The following CAMTA1 variants were observed in gnomAD, a reference collection of about 807,000 sequenced individuals.
CAMTA1 encodes calmodulin binding transcription activator 1.
In CAMTA1, 27 loss-of-function variants were observed where a neutral mutation model predicts 170.9. The ratio of observed to expected loss-of-function variants is 0.16; its 90% CI spans 0.12 to 0.22. CAMTA1 has a LOEUF of 0.22. Ranked by LOEUF, CAMTA1 falls within the 10% of genes least tolerant of loss-of-function variation. The pLI is 1.00. For synonymous variants in CAMTA1, 833 were observed against 891.5 expected (o/e 0.93, Z 1.17); for missense variants, 1,619 against 2,217.2 (o/e 0.73, Z 5.42).
intron 3 of CAMTA1, among the ~76,000 whole-genome samples, chr1:6,867,793 CTCTTTTTTTT>C (rs888652898): frequency 2.6e-5 from 4 of 151,890 alleles, no homozygotes; most frequent in Non-Finnish European, 4.4e-5. Flanking sequence ...TTGTAATCAC[CTCTTTTTTTT>C]TCTTTTTTTT....
chr1:7,576,459 A>G (rs1267313290), intron 6 of CAMTA1, among the ~76,000 whole-genome samples: 1 of 152,160 alleles, frequency 6.6e-6, no homozygotes, highest in African/African-American at 2.4e-5. Context: ...GTGCCCTTAT[A>G]AAACCTTATA....
intron 3 of CAMTA1, among the ~76,000 whole-genome samples, chr1:6,851,743 A>G (rs1660433772): frequency 6.6e-6 from 1 of 152,010 alleles, no homozygotes; most frequent in South Asian, 2.1e-4. Flanking sequence ...GCTGGGCATG[A>G]TGGTTCATGC....
chr1:7,715,117 C>G (rs1239957587), intron 11 of CAMTA1, among the ~76,000 whole-genome samples: 1 of 152,094 alleles, frequency 6.6e-6, no homozygotes, highest in African/African-American at 2.4e-5. Context: ...TGTTAGCCAC[C>G]TCACACAGGA....
Position 7,111,767 on chromosome 1 carries a change from C to T in CAMTA1, c.302+20396C>T, listed in dbSNP as rs575105396. On this transcript the variant is annotated intron_variant, in intron 4 of 22. Transcript: ENST00000303635. ...AGGCGTGGTGGCACATGCCTGTAGTCCCAGCTACTCAGGAGGCTGAAGCAG... is the reference window on the plus strand; with the variant it reads ...AGGCGTGGTGGCACATGCCTGTAGTTCCAGCTACTCAGGAGGCTGAAGCAG... Among the ~76,000 whole-genome samples, 16 of 152,100 alleles carry T rather than the reference C, an allele frequency of 1.1e-4. No individual in the cohort carries two copies. The South Asian group carries it at 2.9e-3, about 28-fold the overall frequency.
chr1:7,212,225 G>A (rs900967332), intron 4 of CAMTA1, among the ~76,000 whole-genome samples: 5 of 151,954 alleles, frequency 3.3e-5, no homozygotes, highest in Admixed American at 3.3e-4. Context: ...ATATAATTAG[G>A]CTCTTTTGTT....
rs950029787 is a variant in CAMTA1, at chr1:7,428,369, G to A, written c.439-39461G>A. Among the ~76,000 whole-genome samples, 14 of 152,172 alleles carry A rather than the reference G, an allele frequency of 9.2e-5. No homozygotes were observed. In the East Asian group the frequency reaches 2.5e-3, roughly 27 times the overall value. On this transcript the variant is annotated intron_variant, in intron 5 of 22. Transcript: ENST00000303635. ...GTTGTATGAATGGGATCTTTGGGGT[G>A]GGGGCTCTGAAGGAAGGGAGGAGAT...
rs1663937842 is a variant in CAMTA1 at position 7,236,724 on chromosome 1, TG to T, written c.303-12765del. Among the ~76,000 whole-genome samples, 5 of 152,356 alleles carry T rather than the reference TG, an allele frequency of 3.3e-5. No individual in the cohort carries two copies. The South Asian group carries it at 1.0e-3, about 32-fold the overall frequency. On this transcript the variant is annotated intron_variant, in intron 4 of 22. Transcript: ENST00000303635. ...TGGCACAAGGTCCATGCAGAATAAATGGCAGCTCTTCTCATGGTCGCAGTTG... is the reference window on the plus strand; with the variant it reads ...TGGCACAAGGTCCATGCAGAATAAATGCAGCTCTTCTCATGGTCGCAGTTG...
intron 3 of CAMTA1, among the ~76,000 whole-genome samples, chr1:7,049,521 A>G (rs1439181591): frequency 6.6e-6 from 1 of 152,002 alleles, no homozygotes; most frequent in Non-Finnish European, 1.5e-5. Context: ...TAGTGGCACA[A>G]TCTCTACTAA....
chr1:7,347,485 A>G (rs2084310177), intron 5 of CAMTA1, among the ~76,000 whole-genome samples: 2 of 152,168 alleles, frequency 1.3e-5, no homozygotes, highest in South Asian at 4.1e-4. Flanking sequence ...TTTGGTTTTG[A>G]TTTTTGAAGA....
chr1:7,116,014 C>T (rs74464941), intron 4 of CAMTA1, among the ~76,000 whole-genome samples: 2,384 of 152,296 alleles, frequency 0.016, 63 homozygotes, highest in African/African-American at 0.054. Flanking sequence ...CCAAATACTT[C>T]GTGGCCCAGT....
At chr1:7,191,033 A>T (rs927049203) in intron 4 of CAMTA1, among the ~76,000 whole-genome samples, 2 of 152,202 alleles carry the variant, frequency 1.3e-5, no homozygotes, top group African/African-American at 4.8e-5. Flanking sequence ...ATTTTTTTAC[A>T]TACTGAGATA....
intron 3 of CAMTA1, among the ~76,000 whole-genome samples, chr1:6,867,404 T>C (rs1335334854): frequency 1.3e-5 from 2 of 152,206 alleles, no homozygotes; most frequent in Non-Finnish European, 2.9e-5. Context: ...ATAGAAAGTT[T>C]TGAGAAACAG....
intron 22 of CAMTA1, among the ~76,000 whole-genome samples, chr1:7,766,196 A>G (rs2097023043): frequency 6.6e-6 from 1 of 152,202 alleles, no homozygotes; most frequent in African/African-American, 2.4e-5. Flanking sequence ...TTAATACATT[A>G]GACTTTGATT....
chr1:7,266,702 C>A (rs1040163993), intron 5 of CAMTA1, among the ~76,000 whole-genome samples: 2 of 152,106 alleles, frequency 1.3e-5, no homozygotes, highest in African/African-American at 4.8e-5. Context: ...AGGCACTGGC[C>A]CTTGGTGACG....
At chr1:7,358,458 T>C (rs1014086511) in intron 5 of CAMTA1, among the ~76,000 whole-genome samples, 5 of 152,222 alleles carry the variant, frequency 3.3e-5, no homozygotes, top group Admixed American at 3.3e-4. Context: ...GTAGTCACGC[T>C]TAGGTGGCCA....
chr1:6,789,673 CTG>C (rs1640460493), intron 1 of CAMTA1, among the ~76,000 whole-genome samples: 3 of 152,222 alleles, frequency 2.0e-5, no homozygotes, highest in Admixed American at 2.0e-4. Context: ...ACTCCCATGA[CTG>C]GAGTCATTCA....
chr1:6,802,102 G>A (rs1382581233), intron 1 of CAMTA1, among the ~76,000 whole-genome samples: 2 of 152,202 alleles, frequency 1.3e-5, no homozygotes, highest in Non-Finnish European at 2.9e-5. Flanking sequence ...AAGAGCAGAA[G>A]CAATCGTAGC....
chr1:6,949,365 C>T (rs186573768), intron 3 of CAMTA1, among the ~76,000 whole-genome samples: 45 of 152,324 alleles, frequency 3.0e-4, no homozygotes, highest in African/African-American at 9.6e-4. Context: ...TGAACGCCCT[C>T]GAGGGCAGAC....
intron 4 of CAMTA1, among the ~76,000 whole-genome samples, chr1:7,247,002 C>A (rs1232677455): frequency 6.6e-6 from 1 of 152,156 alleles, no homozygotes; most frequent in African/African-American, 2.4e-5. Context: ...GCCTTGGGGG[C>A]ACGTGGGCCC....
Sources: gnomAD v4.1 joint callset for allele counts (sites outside exome capture counted in the v4.1 genomes callset) on GRCh38, gnomAD v4.1.1 for gene constraint, MANE v1.5 for transcripts, NCBI Gene and HGNC (gene_info 2026-07-23, HGNC 2026-07-21) for gene names.